The following ME3 variants were observed in gnomAD, a reference collection of about 807,000 sequenced individuals.
ME3 encodes the protein NADP-dependent malic enzyme, mitochondrial.
A neutral mutation model predicts 68.9 loss-of-function variants in ME3; 48 were observed. The ratio of observed to expected loss-of-function variants is 0.70; its 90% CI spans 0.55 to 0.89. The LOEUF (loss-of-function observed/expected upper bound fraction) is 0.89, where lower values mean the gene tolerates loss of function less well. ME3 is among the 40% of genes least tolerant of loss of function. The probability of loss-of-function intolerance (pLI) is 0.00; values close to 1 mark genes in which losing one functional copy is unlikely to be tolerated. For missense variants in ME3, 675 were observed against 797.4 expected (o/e 0.85, Z 1.85); for synonymous variants, 320 against 318.8 (o/e 1.00, Z -0.04).
intron 2 of ME3, among the ~76,000 whole-genome samples, chr11:86,658,714 C>A (rs1195019582): frequency 6.6e-6 from 1 of 152,008 alleles, no homozygotes; most frequent in Non-Finnish European, 1.5e-5. Context: ...CTCCTGGCAC[C>A]ACCTGGCCAG....
intron 5 of ME3, among the ~76,000 whole-genome samples, chr11:86,502,796 C>G (rs1565869371): frequency 6.6e-6 from 1 of 152,190 alleles, no homozygotes; most frequent in Non-Finnish European, 1.5e-5. Context: ...GTGCCATATT[C>G]TTCCTTTGCC....
intron 6 of ME3, among the ~76,000 whole-genome samples, chr11:86,497,484 C>T (rs74751448): frequency 0.029 from 4,445 of 152,232 alleles, 140 homozygotes; most frequent in African/African-American, 0.076. Flanking sequence ...ATCTCACCTA[C>T]GCTTGGCTCA....
At chr11:86,503,746 C>T (rs1388054298) in intron 5 of ME3, among the ~76,000 whole-genome samples, 1 of 152,220 alleles carries the variant, frequency 6.6e-6, no homozygotes, top group Non-Finnish European at 1.5e-5. Flanking sequence ...ACCTAAGTGG[C>T]TGTTTACAGA....
At chr11:86,448,045 C>A in intron 11 of ME3, 105 bp downstream of exon 11, 1 of 731,258 alleles carries the variant, frequency 1.4e-6, no homozygotes. Flanking sequence ...GGGGAAAGAG[C>A]TGTTTCCATG....
In ME3 at chr11:86,578,332, C is replaced by A. The variant is rs538500925; in HGVS notation, c.184-18509G>T. ...AGAGAACAAGGGAAGTAGCCTCTTTCCTCCAGCAACACAACAGCACTTTGA... is the reference window on the plus strand; with the variant it reads ...AGAGAACAAGGGAAGTAGCCTCTTTACTCCAGCAACACAACAGCACTTTGA... On this transcript the variant is annotated intron_variant, in intron 2 of 14. Transcript: ENST00000543262. Among the ~76,000 whole-genome samples, 48 of 152,254 alleles carry A rather than the reference C, an allele frequency of 3.2e-4. No individual in the cohort carries two copies. The South Asian group carries it at 8.9e-3, about 28-fold the overall frequency.
chr11:86,641,557 G>A (rs941567755), intron 2 of ME3, among the ~76,000 whole-genome samples: 3 of 152,192 alleles, frequency 2.0e-5, no homozygotes, highest in Non-Finnish European at 4.4e-5. Context: ...TTCTTTTGAA[G>A]AGGAAGTGAA....
At chr11:86,498,253 T>C (rs575101314) in intron 5 of ME3, 129 bp from the exon 6 acceptor site, 1 of 1,125,976 alleles carries the variant, frequency 8.9e-7, no homozygotes, top group South Asian at 1.6e-5. Flanking sequence ...AAAGAGCTTG[T>C]CTGGGATAAG....
chr11:86,622,161 A>G (rs1443748636), intron 2 of ME3, among the ~76,000 whole-genome samples: 3 of 152,060 alleles, frequency 2.0e-5, no homozygotes, highest in Non-Finnish European at 4.4e-5. Flanking sequence ...GATACCTTTC[A>G]TGGATCCAGT....
intron 2 of ME3, among the ~76,000 whole-genome samples, chr11:86,619,088 A>G (rs146950714): frequency 3.0e-4 from 46 of 152,240 alleles, no homozygotes; most frequent in Non-Finnish European, 5.9e-5. Context: ...TGTTATGTGT[A>G]AGCTCCCACT....
chr11:86,616,746 T>C (rs888233213), intron 2 of ME3, among the ~76,000 whole-genome samples: 4 of 152,082 alleles, frequency 2.6e-5, no homozygotes, highest in African/African-American at 9.7e-5. Flanking sequence ...TAAGGAAAGA[T>C]TGAGACACTG....
chr11:86,644,604 C>T (rs1257480027), intron 2 of ME3, among the ~76,000 whole-genome samples: 2 of 152,198 alleles, frequency 1.3e-5, no homozygotes, highest in African/African-American at 2.4e-5. Flanking sequence ...TTCCCTCTGC[C>T]CCAAACAGTC....
In ME3 at chr11:86,506,266, G is replaced by A. The variant is rs144974690; in HGVS notation, c.543+2526C>T. ...TTTCTCTTCCTCTAAAATCACAGCG[G>A]TTGTGGTCTTCATCTCTTTGGCAAT... On this transcript the variant is annotated intron_variant, in intron 5 of 14. Coordinates refer to ENST00000543262, the Ensembl canonical transcript of ME3. Among the ~76,000 whole-genome samples, 10 of 152,288 alleles carry A rather than the reference G, an allele frequency of 6.6e-5. No homozygotes were observed. In the East Asian group the frequency reaches 1.2e-3, roughly 18 times the overall value.
At chr11:86,561,652 C>G (rs1334037295) in intron 2 of ME3, among the ~76,000 whole-genome samples, 1 of 152,170 alleles carries the variant, frequency 6.6e-6, no homozygotes, top group Non-Finnish European at 1.5e-5. Flanking sequence ...CATTTATGTA[C>G]TTAATTGCTT....
chr11:86,579,462 T>C (rs1183534845), intron 2 of ME3, among the ~76,000 whole-genome samples: 2 of 152,138 alleles, frequency 1.3e-5, no homozygotes, highest in Non-Finnish European at 2.9e-5. Flanking sequence ...GTGTCCTCAG[T>C]GGGGGACTGA....
chr11:86,632,847 G>T (rs1944102424), intron 2 of ME3, among the ~76,000 whole-genome samples: 1 of 152,328 alleles, frequency 6.6e-6, no homozygotes, highest in African/African-American at 2.4e-5. Flanking sequence ...CTCCATGGGA[G>T]CCCCAGGCCC....
intron 2 of ME3, among the ~76,000 whole-genome samples, chr11:86,598,452 C>G (rs894709073): frequency 2.6e-5 from 4 of 152,234 alleles, no homozygotes; most frequent in African/African-American, 9.6e-5. Flanking sequence ...CCAGGAAGCT[C>G]AAACTGGGTG....
intron 4 of ME3, among the ~76,000 whole-genome samples, chr11:86,519,396 T>A (rs1954105963): frequency 6.6e-6 from 1 of 152,218 alleles, no homozygotes; most frequent in African/African-American, 2.4e-5. Flanking sequence ...AAAAGACTCT[T>A]AACCCTTATC....
At chr11:86,477,685 C>T (rs546249157) in intron 7 of ME3, among the ~76,000 whole-genome samples, 21 of 152,198 alleles carry the variant, frequency 1.4e-4, no homozygotes, top group South Asian at 6.2e-4. Context: ...AATCATATCC[C>T]GAGGCAGTGA....
At chr11:86,591,447 G>C (rs117899482) in intron 2 of ME3, among the ~76,000 whole-genome samples, 1 of 152,188 alleles carries the variant, frequency 6.6e-6, no homozygotes, top group Non-Finnish European at 1.5e-5. Flanking sequence ...ATAGCAAGAG[G>C]AGATTAGAAC....
Sources: allele counts gnomAD v4.1 joint callset (sites outside exome capture counted in the v4.1 genomes callset), GRCh38; gene constraint gnomAD v4.1.1; transcripts MANE v1.5; gene names NCBI Gene and HGNC (gene_info 2026-07-23, HGNC 2026-07-21).